GLIS3: variants seen among roughly 807,000 people sequenced by gnomAD.
GLIS3 encodes GLIS family zinc finger 3.
GLIS3 carries 53 observed loss-of-function variants against 78.6 expected under a neutral mutation model. The observed-to-expected ratio is 0.67, with a 90% CI of 0.54 to 0.85. The LOEUF is 0.85. Among genes scored for constraint, GLIS3 ranks in the 40% least tolerant of loss-of-function variants. The probability of loss-of-function intolerance (pLI) is 0.00; values close to 1 mark genes in which losing one functional copy is unlikely to be tolerated. For missense variants in GLIS3, 1,703 were observed against 1,231.1 expected (o/e 1.38, Z -5.74); for synonymous variants, 684 against 509.9 (o/e 1.34, Z -4.60).
chr9:4,482,821 GAATCACTTAAGTCTTTA>G, the GLIS3 span, among the ~76,000 whole-genome samples: 2 of 151,970 alleles, frequency 1.3e-5, no homozygotes, highest in Non-Finnish European at 2.9e-5. Flanking sequence ...GGAAATACCA[GAATCACTTAAGTCTTTA>G]AAAAGCAGCA....
In GLIS3 at chr9:4,204,149, TA is replaced by T. The variant is rs1819642789; in HGVS notation, c.389-78209del. Among the ~76,000 whole-genome samples the T allele has an allele frequency of 2.0e-5, 3 of 152,320 alleles. No homozygotes were observed. The South Asian group carries it at 6.2e-4, about 32-fold the overall frequency. On this transcript the variant is annotated intron_variant, in intron 2 of 10. Coordinates refer to ENST00000381971, the MANE Select transcript of GLIS3 (RefSeq NM_001042413.2). ...TAAAATGTCAGATAGCCAATGAATT[TA>T]AGCTGATGAAAGAATGATCTACTAT...
chr9:4,351,976 G>A (rs1456762033), upstream of GLIS3, among the ~76,000 whole-genome samples: 3 of 152,170 alleles, frequency 2.0e-5, no homozygotes, highest in Non-Finnish European at 4.4e-5. Flanking sequence ...CTCCTAGAGG[G>A]TTAATAGCTG....
intron 4 of GLIS3, among the ~76,000 whole-genome samples, chr9:4,050,755 G>C (rs1311059415): frequency 1.3e-5 from 2 of 151,978 alleles, no homozygotes; most frequent in African/African-American, 4.8e-5. Flanking sequence ...ACTTTTTAAA[G>C]CCTTCAAACA....
the GLIS3 span, among the ~76,000 whole-genome samples, chr9:4,388,187 G>T: frequency 6.6e-6 from 1 of 152,114 alleles, no homozygotes; most frequent in Admixed American, 6.5e-5. Flanking sequence ...ACCCATAAGT[G>T]CACATAACAG....
chr9:4,129,998 C>G (rs368512977), intron 2 of GLIS3, among the ~76,000 whole-genome samples: 3 of 152,194 alleles, frequency 2.0e-5, no homozygotes, highest in African/African-American at 7.2e-5. Flanking sequence ...GCAAAGGTCA[C>G]TTTTATTATC....
At chr9:4,140,820 C>T (rs1240772853) in intron 2 of GLIS3, among the ~76,000 whole-genome samples, 13 of 142,356 alleles carry the variant, frequency 9.1e-5, no homozygotes, top group Non-Finnish European at 1.1e-4. Context: ...TTTTTTGAGA[C>T]GGAGTTTTGC....
chr9:4,093,033 T>C (rs562039993), intron 4 of GLIS3, among the ~76,000 whole-genome samples: 6 of 152,312 alleles, frequency 3.9e-5, no homozygotes, highest in African/African-American at 1.4e-4. Context: ...TATAATCTTA[T>C]GGGGCCACTG....
chr9:3,993,520 C>T (rs892940793), intron 4 of GLIS3, among the ~76,000 whole-genome samples: 1 of 151,778 alleles, frequency 6.6e-6, no homozygotes, highest in African/African-American at 2.4e-5. Flanking sequence ...TGTAAAAATC[C>T]ACAATAAGTC....
At chr9:4,412,942 G>T in the GLIS3 span, among the ~76,000 whole-genome samples, 4 of 152,266 alleles carry the variant, frequency 2.6e-5, no homozygotes, top group East Asian at 7.7e-4. Flanking sequence ...GGATCCCAGG[G>T]TGACCACGTG....
chr9:4,479,333 G>C, the GLIS3 span, among the ~76,000 whole-genome samples: 1 of 152,186 alleles, frequency 6.6e-6, no homozygotes, highest in Admixed American at 6.5e-5. Flanking sequence ...GGTGTCCAGA[G>C]CATTGTCCTT....
intron 2 of GLIS3, among the ~76,000 whole-genome samples, chr9:4,339,530 C>G (rs1817802400): frequency 6.6e-6 from 1 of 151,498 alleles, no homozygotes; most frequent in East Asian, 2.0e-4. Flanking sequence ...CAAATAGGTG[C>G]AGAGGTTTGG....
In GLIS3 at chr9:4,330,122, G is replaced by A. The variant is rs191451639; in HGVS notation, n.264+16959C>T. On this transcript the variant is annotated intron_variant and non_coding_transcript_variant, in intron 2 of 4. Transcript: ENST00000471664. ...ACTTACTTTTAGGAAATTCAGTGTA[G>A]ACTCCCAAAACCCACATCAGAAATA... Among the ~76,000 whole-genome samples, 69 of 152,234 alleles carry A rather than the reference G, an allele frequency of 4.5e-4. 1 individual carries two copies. The East Asian group carries it at 0.013, about 29-fold the overall frequency.
At chr9:3,882,533 T>C (rs1020569310) in intron 7 of GLIS3, among the ~76,000 whole-genome samples, 1 of 152,040 alleles carries the variant, frequency 6.6e-6, no homozygotes, top group Non-Finnish European at 1.5e-5. Context: ...AAGGGGATGC[T>C]AGGTGGGGCA....
At chr9:4,313,278 T>C (rs1289757576) in intron 2 of GLIS3, among the ~76,000 whole-genome samples, 1 of 152,220 alleles carries the variant, frequency 6.6e-6, no homozygotes, top group Non-Finnish European at 1.5e-5. Context: ...TCTGCCTCCA[T>C]AGCCCACAGG....
At chr9:4,381,946 G>C in the GLIS3 span, among the ~76,000 whole-genome samples, 1 of 152,182 alleles carries the variant, frequency 6.6e-6, no homozygotes, top group Non-Finnish European at 1.5e-5. Context: ...GACCATCCTT[G>C]GCAGTCCCAG....
chr9:4,272,041 T>A (rs4740762), intron 2 of GLIS3, among the ~76,000 whole-genome samples: 1 of 151,988 alleles, frequency 6.6e-6, no homozygotes, highest in African/African-American at 2.4e-5. Flanking sequence ...CCTTGCAGAT[T>A]GTGCCCTCGT....
At chr9:4,187,528 T>C (rs989822746) in intron 2 of GLIS3, among the ~76,000 whole-genome samples, 3 of 152,210 alleles carry the variant, frequency 2.0e-5, no homozygotes, top group Admixed American at 6.5e-5. Context: ...TCCAATTCTG[T>C]GAAGAAAGTC....
intron 2 of GLIS3, among the ~76,000 whole-genome samples, chr9:4,150,001 G>C (rs998689238): frequency 6.6e-6 from 1 of 152,134 alleles, no homozygotes; most frequent in African/African-American, 2.4e-5. Context: ...TATATGTTAG[G>C]AATATAAGAA....
intron 2 of GLIS3, among the ~76,000 whole-genome samples, chr9:4,147,123 T>C (rs1470080032): frequency 2.0e-5 from 3 of 152,206 alleles, no homozygotes; most frequent in Non-Finnish European, 4.4e-5. Context: ...AATTGAACAT[T>C]ATGCAGGCAA....
Sources: gnomAD v4.1 joint callset for allele counts (sites outside exome capture counted in the v4.1 genomes callset) on GRCh38, gnomAD v4.1.1 for gene constraint, MANE v1.5 for transcripts, NCBI Gene and HGNC (gene_info 2026-07-23, HGNC 2026-07-21) for gene names.